DACH2: variants seen among roughly 807,000 people sequenced by gnomAD.
DACH2 encodes dachshund homolog 2.
Under a neutral mutation model 35.8 loss-of-function variants are expected in DACH2, and 17 were observed. The observed-to-expected ratio is 0.48, with a 90% confidence interval of 0.33 to 0.71. The LOEUF is 0.71. Ranked by LOEUF, DACH2 falls within the 30% of genes least tolerant of loss-of-function variation. The pLI is 0.02. For missense variants in DACH2, 469 were observed against 472.7 expected, an observed-to-expected ratio of 0.99 and a Z score of 0.07; for synonymous variants, 195 against 177.3, an observed-to-expected ratio of 1.10 and a Z score of -0.79.
chrX:86,766,921 G>A (rs917103966), intron 7 of DACH2, among the ~76,000 whole-genome samples: 3 of 111,375 alleles, frequency 2.7e-5, no homozygotes, highest in Admixed American at 9.6e-5. Flanking sequence ...GAAATGGATA[G>A]CTGATGAGCA....
At chrX:86,388,192 C>T (rs2036149396) in intron 2 of DACH2, among the ~76,000 whole-genome samples, 1 of 112,099 alleles carries the variant, frequency 8.9e-6, no homozygotes, top group Non-Finnish European at 1.9e-5. Flanking sequence ...GAGGCTACAG[C>T]TGCTGGGTTG....
At position 86,782,859 on chromosome X, in the gene DACH2, C is replaced by A. The variant is rs140869989; in HGVS notation, c.1241-29997C>A. Among the ~76,000 whole-genome samples, 47 of 103,467 alleles carry A rather than the reference C, an allele frequency of 4.5e-4. No homozygotes were observed. The East Asian group carries it at 8.8e-3, about 19-fold the overall frequency. 89.8% of individuals were successfully genotyped at this position (103,467 alleles called of 115,157 possible). A position where few individuals can be genotyped will look rare whatever the true frequency, so the allele number is the denominator to read the frequency against. On this transcript the variant is annotated intron_variant, in intron 7 of 11. Coordinates refer to ENST00000373125, the MANE Select transcript of DACH2 (RefSeq NM_053281.3). ...AGGACATTGTTCTTGGCAAAAATTT[C>A]TTGAGCAATACCCCACAACCACAGG...
Position 86,640,890 on chromosome X carries a change from A to G in DACH2, c.641-10146A>G, listed in dbSNP as rs1375764634. Reference sequence around the variant, plus strand: ...AAACCAGAGACAAAAAGTCAGCTTCAAATAAAGACTCTACACAAAGCCTTG... The same window carrying G: ...AAACCAGAGACAAAAAGTCAGCTTCGAATAAAGACTCTACACAAAGCCTTG... On this transcript the variant is annotated intron_variant, in intron 3 of 11. Coordinates refer to ENST00000373125, the MANE Select transcript of DACH2 (RefSeq NM_053281.3). Among the ~76,000 whole-genome samples the G allele has an allele frequency of 2.7e-5, 3 of 112,196 alleles. No individual in the cohort carries two copies. The East Asian group carries it at 8.5e-4, about 32-fold the overall frequency.
At chrX:86,546,339 C>CTCCTCT (rs1380637599) in intron 3 of DACH2, among the ~76,000 whole-genome samples, 11 of 67,185 alleles carry the variant, frequency 1.6e-4, no homozygotes, top group East Asian at 5.9e-4. Context: ...CTTCTTCTTC[C>CTCCTCT]TCTTCTTCTT....
intron 1 of DACH2, among the ~76,000 whole-genome samples, chrX:86,219,479 A>AGACC (rs1237002576): frequency 2.7e-5 from 3 of 111,437 alleles, no homozygotes; most frequent in Non-Finnish European, 5.6e-5. Context: ...ACCCTCAAGT[A>AGACC]GACCCCAGTG....
In DACH2 at chrX:86,322,524, G is replaced by A. The variant is rs191136605; in HGVS notation, c.489-54300G>A. Among the ~76,000 whole-genome samples the A allele has an allele frequency of 4.4e-4, 49 of 111,744 alleles. No homozygotes were observed. In the East Asian group the frequency reaches 0.013, roughly 29 times the overall value. On this transcript the variant is annotated intron_variant, in intron 1 of 11. Coordinates refer to ENST00000373125, the MANE Select transcript of DACH2 (RefSeq NM_053281.3). ...ATTGCCACCCTGTGGTTGCAGGTAT[G>A]ACCCTCAAACATGGGACCAGAGGAA...
At chrX:86,518,301 T>C (rs1366219229) in intron 3 of DACH2, among the ~76,000 whole-genome samples, 1 of 112,076 alleles carries the variant, frequency 8.9e-6, no homozygotes, top group Non-Finnish European at 1.9e-5. Flanking sequence ...CACTGTAGCC[T>C]TGTAGTATAG....
At chrX:86,511,470 A>G (rs2038395526) in intron 2 of DACH2, among the ~76,000 whole-genome samples, 1 of 111,725 alleles carries the variant, frequency 9.0e-6, no homozygotes, top group Non-Finnish European at 1.9e-5. Context: ...TCTCACAACC[A>G]TACTCACTAA....
intron 1 of DACH2, among the ~76,000 whole-genome samples, chrX:86,271,047 T>C (rs2033805981): frequency 8.9e-6 from 1 of 112,226 alleles, no homozygotes; most frequent in African/African-American, 3.2e-5. Flanking sequence ...CTAAGAAATA[T>C]AAGACATTTT....
intron 1 of DACH2, among the ~76,000 whole-genome samples, chrX:86,374,747 G>T: frequency 9.0e-6 from 1 of 110,631 alleles, no homozygotes; most frequent in Non-Finnish European, 1.9e-5. Context: ...GCAGCAAAAA[G>T]AAAACTTTAG....
At chrX:86,591,587 G>C (rs1346384945) in intron 3 of DACH2, among the ~76,000 whole-genome samples, 1 of 103,980 alleles carries the variant, frequency 9.6e-6, no homozygotes, top group Non-Finnish European at 1.9e-5. Flanking sequence ...ACCCAGGCTG[G>C]AGTGCAGTTG....
At chrX:86,537,870 C>T (rs1313015924) in intron 3 of DACH2, among the ~76,000 whole-genome samples, 1 of 111,328 alleles carries the variant, frequency 9.0e-6, no homozygotes, top group African/African-American at 3.3e-5. Flanking sequence ...ATGGCCGGTT[C>T]CTGCCTTAAC....
At chrX:86,433,406 G>T (rs1422344233) in intron 2 of DACH2, among the ~76,000 whole-genome samples, 1 of 111,531 alleles carries the variant, frequency 9.0e-6, no homozygotes, top group East Asian at 2.8e-4. Flanking sequence ...TTTATCCAGG[G>T]TAAGTCTTAG....
chrX:86,451,516 G>T (rs1251612679), intron 2 of DACH2, among the ~76,000 whole-genome samples: 2 of 111,321 alleles, frequency 1.8e-5, no homozygotes, highest in Non-Finnish European at 3.8e-5. Flanking sequence ...AGTTCTTTTG[G>T]TTTAGGATTG....
At chrX:86,259,615 A>T (rs2147960848) in intron 1 of DACH2, among the ~76,000 whole-genome samples, 1 of 112,079 alleles carries the variant, frequency 8.9e-6, no homozygotes, top group East Asian at 2.8e-4. Context: ...TAAAAGGATT[A>T]CATCTGATAA....
chrX:86,330,406 G>A (rs1483387825), intron 1 of DACH2, among the ~76,000 whole-genome samples: 1 of 111,201 alleles, frequency 9.0e-6, no homozygotes, highest in Non-Finnish European at 1.9e-5. Context: ...GCCTGCCTTA[G>A]CATTGTACAG....
rs768473219 is a variant in DACH2, at chrX:86,319,909, A to T, written c.489-56915A>T. 3.6e-5 allele frequency among the ~76,000 whole-genome samples: 4 copies of T among 111,829 alleles called. No homozygotes were observed. In the Admixed American group the frequency reaches 3.8e-4, roughly 11 times the overall value. On this transcript the variant is annotated intron_variant, in intron 1 of 11. Coordinates refer to ENST00000373125, the MANE Select transcript of DACH2 (RefSeq NM_053281.3). The stretch of plus-strand genomic sequence containing the variant: ...GTAGTTATAAGATTTTTCATTTGCT[A>T]ATTTCCCAATTGGATTATTGGCCTG...
In DACH2 at chrX:86,354,058, A is replaced by C. The variant is rs2035602784; in HGVS notation, c.489-22766A>C. ...GAAGACATTTATGCAGCCAAAAAAC[A>C]CATGAAGAAATGCTCATCATCACTG... On this transcript the variant is annotated intron_variant, in intron 1 of 11. Transcript: ENST00000373125. Among the ~76,000 whole-genome samples, 2 of 41,775 alleles carry C rather than the reference A, an allele frequency of 4.8e-5. 1 individual carries two copies. The highest frequency in any genetic ancestry group is 1.8e-3 in the East Asian group (2 of 1,119). 36.3% of individuals were successfully genotyped at this position (41,775 alleles called of 115,157 possible).
intron 1 of DACH2, among the ~76,000 whole-genome samples, chrX:86,368,500 A>G (rs1305607106): frequency 1.8e-5 from 2 of 110,661 alleles, no homozygotes; most frequent in African/African-American, 6.6e-5. Flanking sequence ...ACTGTTAGAT[A>G]TCAATTATAA....
Sources: gnomAD v4.1 joint callset for allele counts (sites outside exome capture counted in the v4.1 genomes callset) on GRCh38, gnomAD v4.1.1 for gene constraint, MANE v1.5 for transcripts, NCBI Gene and HGNC (gene_info 2026-07-23, HGNC 2026-07-21) for gene names.